The following PPFIBP1 variants were observed in gnomAD, a reference collection of about 807,000 sequenced individuals.
The protein encoded by PPFIBP1 is liprin-beta-1.
PPFIBP1 carries 112 observed loss-of-function variants against 137.8 expected under a neutral mutation model. The observed-to-expected ratio is 0.81, with a 90% confidence interval of 0.70 to 0.95. The LOEUF (loss-of-function observed/expected upper bound fraction) is 0.95. PPFIBP1 is among the 40% of genes least tolerant of loss of function. The probability of loss-of-function intolerance (pLI) is 0.00; values close to 1 mark genes in which losing one functional copy is unlikely to be tolerated. For synonymous variants in PPFIBP1, 378 were observed against 417.3 expected (o/e 0.91, Z 1.15); for missense variants, 1,083 against 1,196.6 (o/e 0.91, Z 1.40).
intron 24 of PPFIBP1, 152 bp downstream of exon 24, chr12:27,682,855 A>T: frequency 7.6e-7 from 1 of 1,317,692 alleles, no homozygotes; most frequent in Non-Finnish European, 1.0e-6. Context: ...CATATTTCCC[A>T]TGAGGCTGAA....
At chr12:27,565,840 A>G (rs576298228) in intron 1 of PPFIBP1, among the ~76,000 whole-genome samples, 1 of 152,084 alleles carries the variant, frequency 6.6e-6, no homozygotes, top group African/African-American at 2.4e-5. Context: ...TCTGAGCACT[A>G]CTTTGCCGTC....
At chr12:27,655,166 C>T (rs145263806) in intron 8 of PPFIBP1, 6 of 1,535,396 alleles carry the variant, frequency 3.9e-6, no homozygotes, top group Non-Finnish European at 3.5e-6. Flanking sequence ...AACTTTCTAG[C>T]ATGAAAATCA....
chr12:27,683,844 G>A (rs1159531484), intron 24 of PPFIBP1, among the ~76,000 whole-genome samples: 1 of 152,000 alleles, frequency 6.6e-6, no homozygotes, highest in Non-Finnish European at 1.5e-5. Flanking sequence ...CTGGAGTGCA[G>A]TGGTGCGATC....
chr12:27,675,357 A>G (rs112163729), intron 17 of PPFIBP1, among the ~76,000 whole-genome samples: 2,465 of 152,320 alleles, frequency 0.016, 66 homozygotes, highest in African/African-American at 0.054. Context: ...GCCATGGATG[A>G]TAATATCACT....
In PPFIBP1 at chr12:27,660,923, T is replaced by C; in HGVS notation, c.884T>C (p.Leu295Ser). Residue 295 changes from leucine to serine, a missense_variant, in exon 11 of 30, where the codon TTG becomes TCG. Coordinates refer to ENST00000228425, the MANE Select transcript of PPFIBP1 (RefSeq NM_003622.4). ...AAAATGAAAAAAGCTGTGGAGTCCT[T>C]GATGGCAGCAAATGAAGAAAAGGTA... is the stretch of plus-strand genomic sequence containing the variant. ...VQKMKKAVES[L>S]MAANEEKDRK... 6.2e-7 allele frequency: 1 copy of C among 1,613,470 alleles called. No individual in the cohort carries two copies. Among genetic ancestry groups the C allele is most frequent in the Non-Finnish European group, 8.5e-7 (1 of 1,179,786 alleles).
chr12:27,660,295 C>A (rs1480280972), intron 10 of PPFIBP1, among the ~76,000 whole-genome samples: 2 of 152,160 alleles, frequency 1.3e-5, no homozygotes, highest in African/African-American at 4.8e-5. Context: ...ATTCAGCTTA[C>A]TTTGGCCTTT....
chr12:27,659,267 C>G (rs564453578), intron 10 of PPFIBP1, among the ~76,000 whole-genome samples: 29 of 152,144 alleles, frequency 1.9e-4, no homozygotes, highest in Admixed American at 2.0e-4. Flanking sequence ...TGTCTGGGAT[C>G]TATTAGAAGC....
intron 19 of PPFIBP1, among the ~76,000 whole-genome samples, chr12:27,678,881 A>AAAAAAAAAAAC (rs2060707182): frequency 7.0e-6 from 1 of 143,198 alleles, no homozygotes; most frequent in African/African-American, 2.8e-5. Context: ...AAAAAAAAAA[A>AAAAAAAAAAAC]CATTTAAGAG....
intron 3 of PPFIBP1, among the ~76,000 whole-genome samples, 189 bp downstream of exon 3, chr12:27,633,649 A>G (rs1337004507): frequency 2.0e-5 from 3 of 152,056 alleles, no homozygotes; most frequent in Admixed American, 1.3e-4. Flanking sequence ...CATTATTTTA[A>G]AGTATCAAAA....
intron 1 of PPFIBP1, among the ~76,000 whole-genome samples, chr12:27,551,638 C>A (rs1180414282): frequency 1.3e-5 from 2 of 152,180 alleles, no homozygotes; most frequent in Non-Finnish European, 2.9e-5. Flanking sequence ...AACTTTTAGG[C>A]TACGGCGTGT....
chr12:27,648,308 A>G (rs1018012372), intron 6 of PPFIBP1, among the ~76,000 whole-genome samples: 1 of 152,198 alleles, frequency 6.6e-6, no homozygotes, highest in African/African-American at 2.4e-5. Context: ...ATACTATCTC[A>G]CCCCAGCTAA....
chr12:27,563,898 A>G, intron 1 of PPFIBP1, among the ~76,000 whole-genome samples: 1 of 144,540 alleles, frequency 6.9e-6, no homozygotes. Flanking sequence ...TTTGAGACGG[A>G]GTCTCTCTCT....
intron 2 of PPFIBP1, among the ~76,000 whole-genome samples, chr12:27,627,232 A>G (rs1363718592): frequency 1.3e-5 from 2 of 152,216 alleles, no homozygotes; most frequent in Non-Finnish European, 2.9e-5. Flanking sequence ...CTGAGATTGT[A>G]TTGCTGCACA....
intron 1 of PPFIBP1, among the ~76,000 whole-genome samples, chr12:27,538,814 G>A (rs1945334567): frequency 6.6e-6 from 1 of 152,226 alleles, no homozygotes; most frequent in Non-Finnish European, 1.5e-5. Flanking sequence ...TTGGGCTCTG[G>A]AGTTAGATGG....
intron 2 of PPFIBP1, among the ~76,000 whole-genome samples, chr12:27,592,062 C>G (rs573956637): frequency 6.6e-6 from 1 of 152,304 alleles, no homozygotes; most frequent in African/African-American, 2.4e-5. Context: ...GTTTAGGAAG[C>G]ATAATACTAC....
At chr12:27,622,273 C>CG (rs1555218309) in intron 2 of PPFIBP1, among the ~76,000 whole-genome samples, 2 of 152,122 alleles carry the variant, frequency 1.3e-5, no homozygotes, top group Non-Finnish European at 2.9e-5. Flanking sequence ...TTTGCCCCCC[C>CG]AGAGCAGTGC....
chr12:27,677,263 A>G, intron 19 of PPFIBP1, 167 bp downstream of exon 19: 1 of 771,008 alleles, frequency 1.3e-6, no homozygotes, highest in South Asian at 1.8e-5. Flanking sequence ...GACTCTGTAG[A>G]GGCTTTGCTT....
At chr12:27,650,167 C>T in intron 7 of PPFIBP1, 26 bp downstream of exon 7, 1 of 1,452,980 alleles carries the variant, frequency 6.9e-7, no homozygotes, top group Non-Finnish European at 9.4e-7. Context: ...TCTCCTCCCT[C>T]TCTCTCTCTC....
chr12:27,642,187 C>T (rs1287130388), intron 4 of PPFIBP1, among the ~76,000 whole-genome samples: 3 of 152,164 alleles, frequency 2.0e-5, no homozygotes, highest in East Asian at 3.9e-4. Context: ...GCCATAAGTT[C>T]CTTAATTAAA....
Sources: allele counts gnomAD v4.1 joint callset (sites outside exome capture counted in the v4.1 genomes callset), GRCh38; gene constraint gnomAD v4.1.1; transcripts MANE v1.5; gene names NCBI Gene and HGNC (gene_info 2026-07-23, HGNC 2026-07-21).